APIP: variants seen among roughly 807,000 people sequenced by gnomAD.
The protein encoded by APIP is APAF1 interacting protein.
APIP carries 32 observed loss-of-function variants against 32.0 expected under a neutral mutation model. That is an observed-to-expected ratio of 1.00 (90% CI 0.76 to 1.34). The LOEUF (loss-of-function observed/expected upper bound fraction) is 1.34, where lower values mean the gene tolerates loss of function less well. APIP is among the 40% of genes most tolerant of loss of function. APIP has a pLI of 0.00. For synonymous variants in APIP, 92 were observed against 94.8 expected, an observed-to-expected ratio of 0.97 and a Z score of 0.17; for missense variants, 247 against 298.6, an observed-to-expected ratio of 0.83 and a Z score of 1.27.
chr11:34,888,940 G>A, intron 3 of APIP, 71 bp from the exon 4 acceptor site: 1 of 869,892 alleles, frequency 1.1e-6, no homozygotes, highest in Non-Finnish European at 1.7e-6. Flanking sequence ...TCCTTTTCTT[G>A]TGTACATATA....
chr11:34,892,463 C>T (rs1275892771), intron 2 of APIP, among the ~76,000 whole-genome samples: 5 of 152,084 alleles, frequency 3.3e-5, no homozygotes, highest in South Asian at 2.1e-4. Context: ...TCTTATAGTG[C>T]CTCAATTATT....
intron 2 of APIP, among the ~76,000 whole-genome samples, chr11:34,892,332 C>T (rs983556005): frequency 1.3e-5 from 2 of 152,134 alleles, no homozygotes; most frequent in African/African-American, 2.4e-5. Flanking sequence ...GAATATACTT[C>T]TCTGTACTCC....
intron 1 of APIP, among the ~76,000 whole-genome samples, chr11:34,900,097 TC>T (rs1358489448): frequency 6.6e-6 from 1 of 152,190 alleles, no homozygotes; most frequent in Non-Finnish European, 1.5e-5. Context: ...GATTTTAATG[TC>T]ATCCAACAGT....
At chr11:34,903,800 G>C (rs550543520) in intron 1 of APIP, among the ~76,000 whole-genome samples, 1 of 152,060 alleles carries the variant, frequency 6.6e-6, no homozygotes, top group Non-Finnish European at 1.5e-5. Flanking sequence ...TTGTCTCGAG[G>C]GTATACCTTT....
intron 4 of APIP, 48 bp from the exon 5 acceptor site, chr11:34,888,476 AGCTTTT>A: frequency 6.3e-7 from 1 of 1,580,192 alleles, no homozygotes; most frequent in Admixed American, 2.0e-5. Flanking sequence ...ACTGAATTAT[AGCTTTT>A]AAAGAAAAAA....
At chr11:34,908,147 G>T (rs1853486761) in intron 1 of APIP, among the ~76,000 whole-genome samples, 1 of 152,186 alleles carries the variant, frequency 6.6e-6, no homozygotes, top group Admixed American at 6.5e-5. Flanking sequence ...AAGTAACGAG[G>T]AATCCTGACT....
intron 1 of APIP, among the ~76,000 whole-genome samples, chr11:34,898,254 C>A (rs184764964): frequency 7.2e-5 from 11 of 152,256 alleles, no homozygotes; most frequent in Admixed American, 2.0e-4. Flanking sequence ...CAACAGGCAT[C>A]CTTCAGCTGG....
intron 2 of APIP, among the ~76,000 whole-genome samples, chr11:34,894,287 G>C (rs1853230198): frequency 6.6e-6 from 1 of 152,002 alleles, no homozygotes; most frequent in Non-Finnish European, 1.5e-5. Flanking sequence ...TGATACAGGT[G>C]CTTAGAAAGC....
At chr11:34,902,545 T>C (rs1178479796) in intron 1 of APIP, among the ~76,000 whole-genome samples, 1 of 152,106 alleles carries the variant, frequency 6.6e-6, no homozygotes, top group African/African-American at 2.4e-5. Context: ...TATTTCCTCC[T>C]TCCCTCACCC....
chr11:34,882,782 C>G lies in APIP; in HGVS notation c.664G>C (p.Val222Leu). 1.9e-6 allele frequency: 3 copies of G among 1,608,616 alleles called. No individual in the cohort carries two copies. The Admixed American group carries it at 5.0e-5, about 27-fold the overall frequency. Reference protein sequence around the residue: ...ECYDYLFDIAVSMKKVGLDPS... With the variant: ...ECYDYLFDIALSMKKVGLDPS... ...TCAAGTCCTACTTTCTTCATTGATACGGCAATATCAAATAAATAGTCATAA... is the reference window on the plus strand; with the variant it reads ...TCAAGTCCTACTTTCTTCATTGATAGGGCAATATCAAATAAATAGTCATAA... The change falls in exon 7 of 7, where the codon GTA becomes CTA. Residue 222 changes from valine to leucine, a missense_variant. Transcript: ENST00000395787.
chr11:34,896,760 C>G, intron 1 of APIP: 1 of 1,275,302 alleles, frequency 7.8e-7, no homozygotes, highest in Non-Finnish European at 1.0e-6. Context: ...AATGAGACTA[C>G]CTGGGAGAGA....
rs371860492 is a variant in APIP, at chr11:34,898,157, G to A, written c.58-3047C>T. The stretch of plus-strand genomic sequence containing the variant: ...AAGAATCCGAGGTACAACATTCATC[G>A]GATGGTGAGTATAGGAGCAAGCTTA... On this transcript the variant is annotated intron_variant, in intron 1 of 6. Coordinates refer to ENST00000395787, the MANE Select transcript of APIP (RefSeq NM_015957.4). Among the ~76,000 whole-genome samples the A allele has an allele frequency of 5.9e-5, 9 of 152,054 alleles. No homozygotes were observed. In the East Asian group the frequency reaches 1.7e-3, roughly 29 times the overall value.
intron 2 of APIP, among the ~76,000 whole-genome samples, chr11:34,892,050 T>C (rs1853194255): frequency 6.6e-6 from 1 of 152,150 alleles, no homozygotes; most frequent in South Asian, 2.1e-4. Flanking sequence ...AAACCAAGGG[T>C]ACTCTGTTTA....
Position 34,890,593 on chromosome 11 carries a change from C to T in APIP, c.159-41G>A, listed in dbSNP as rs1590704361. The stretch of plus-strand genomic sequence containing the variant: ...ATACAAATTGGTATTTATTTATTTC[C>T]TGCTTTTGCACAAAGAAAAGTTTGC... On this transcript the variant is annotated intron_variant, in intron 2 of 6. Coordinates refer to ENST00000395787, the MANE Select transcript of APIP (RefSeq NM_015957.4). The T allele has an allele frequency of 5.6e-6, 9 of 1,603,054 alleles. No individual in the cohort carries two copies. In the East Asian group the frequency reaches 1.6e-4, roughly 28 times the overall value.
chr11:34,883,602 G>T, intron 5 of APIP, 98 bp from the exon 6 acceptor site: 1 of 1,214,004 alleles, frequency 8.2e-7, no homozygotes, highest in Non-Finnish European at 1.1e-6. Flanking sequence ...TAGACATGCT[G>T]TTTGTGTCTG....
At chr11:34,910,850 G>C (rs1267803989) in intron 1 of APIP, among the ~76,000 whole-genome samples, 1 of 152,004 alleles carries the variant, frequency 6.6e-6, no homozygotes, top group African/African-American at 2.4e-5. Flanking sequence ...TCTAGATCCT[G>C]GTCCTTAACC....
At chr11:34,897,932 G>C (rs947933404) in intron 1 of APIP, among the ~76,000 whole-genome samples, 1 of 151,938 alleles carries the variant, frequency 6.6e-6, no homozygotes, top group Non-Finnish European at 1.5e-5. Flanking sequence ...CTGTTTTCCC[G>C]CTCCACTTGG....
Position 34,916,324 on chromosome 11 carries a change from C to A in APIP, c.-40G>T, listed in dbSNP as rs1391882209. On this transcript the variant is annotated 5_prime_UTR_variant, in exon 1 of 7. Transcript: ENST00000395787. ...ACCCGCGCGGCCTCCAATCTCCGCACGGCTTTGCGCGCGGCGCTTAGCCTG... is the reference window on the plus strand; with the variant it reads ...ACCCGCGCGGCCTCCAATCTCCGCAAGGCTTTGCGCGCGGCGCTTAGCCTG... The A allele has an allele frequency of 1.1e-5, 18 of 1,606,506 alleles. No individual in the cohort carries two copies. Among genetic ancestry groups the A allele is most frequent in the Non-Finnish European group, 1.4e-5 (17 of 1,176,764 alleles).
intron 1 of APIP, 51 bp downstream of exon 1, chr11:34,916,177 G>C (rs780056321): frequency 6.3e-7 from 1 of 1,581,834 alleles, no homozygotes; most frequent in Non-Finnish European, 8.6e-7. Context: ...GCCGGGTCCC[G>C]CCTGGGCCTC....
Sources: gnomAD v4.1 joint callset for allele counts (sites outside exome capture counted in the v4.1 genomes callset) on GRCh38, gnomAD v4.1.1 for gene constraint, MANE v1.5 for transcripts, NCBI Gene and HGNC (gene_info 2026-07-23, HGNC 2026-07-21) for gene names.